Variants in OGT observed in about 807,000 individuals in gnomAD.
OGT encodes UDP-N-acetylglucosamine--peptide N-acetylglucosaminyltransferase 110 kDa subunit.
A neutral mutation model predicts 75.8 loss-of-function variants in OGT; 3 were observed. The observed-to-expected ratio is 0.04, with a 90% confidence interval of 0.02 to 0.10. OGT has a LOEUF of 0.10. Among genes scored for constraint, OGT ranks in the 10% least tolerant of loss-of-function variants. The probability of loss-of-function intolerance (pLI) is 1.00; values close to 1 mark genes in which losing one functional copy is unlikely to be tolerated. For synonymous variants in OGT, 257 were observed against 289.7 expected, an observed-to-expected ratio of 0.89 and a Z score of 1.15; for missense variants, 260 against 824.4, an observed-to-expected ratio of 0.32 and a Z score of 8.38.
chrX:71,553,284 G>T (rs1440143297), intron 5 of OGT, among the ~76,000 whole-genome samples: 1 of 111,078 alleles, frequency 9.0e-6, no homozygotes, highest in African/African-American at 3.3e-5. Context: ...AGTAGAGACG[G>T]GGTTTCGCCA....
At chrX:71,554,680 A>G in intron 6 of OGT, 88 bp downstream of exon 6, 1 of 695,738 alleles carries the variant, frequency 1.4e-6, no homozygotes, top group Non-Finnish European at 2.2e-6. Context: ...ACAATAGTCC[A>G]TTGAAGCATA....
chrX:71,554,259 T>C (rs2040327424), intron 5 of OGT, among the ~76,000 whole-genome samples: 1 of 112,028 alleles, frequency 8.9e-6, no homozygotes, highest in African/African-American at 3.2e-5. Flanking sequence ...TTTAATGAAA[T>C]TGGAGCAGGC....
Position 71,546,814 on chromosome X carries a change from AAT to A in OGT, c.532-1092_532-1091del, listed in dbSNP as rs2040262640. 3 of 752,637 alleles carry A rather than the reference AAT, an allele frequency of 4.0e-6. No homozygotes were observed. The African/African-American group carries it at 6.9e-5, about 17-fold the overall frequency. 62.0% of individuals were successfully genotyped at this position (752,637 alleles called of 1,213,427 possible). ...AGTAGCGCAAAGGCTGCGCAGCGTTAATGCGCATTGCGTGCGAATGAACCCCT... is the reference window on the plus strand; with the variant it reads ...AGTAGCGCAAAGGCTGCGCAGCGTTAGCGCATTGCGTGCGAATGAACCCCT... On this transcript the variant is annotated intron_variant, in intron 4 of 21. Transcript: ENST00000373719.
At chrX:71,550,541 G>T (rs1329517306) in intron 5 of OGT, among the ~76,000 whole-genome samples, 2 of 111,393 alleles carry the variant, frequency 1.8e-5, no homozygotes, top group African/African-American at 6.5e-5. Context: ...GAGCCACTGT[G>T]TCTGGCCTGT....
chrX:71,544,447 A>G, intron 3 of OGT, 120 bp from the exon 4 acceptor site: 4 of 638,400 alleles, frequency 6.3e-6, no homozygotes, highest in Non-Finnish European at 9.5e-6. Flanking sequence ...GAAGTTTGTC[A>G]GGCAGTATCT....
At chrX:71,546,700 A>C in intron 4 of OGT, 1 of 747,537 alleles carries the variant, frequency 1.3e-6, no homozygotes, top group Non-Finnish European at 1.6e-6. Context: ...AAAAGCTTCT[A>C]ACTCTTCTTG....
intron 3 of OGT, among the ~76,000 whole-genome samples, chrX:71,542,517 A>G (rs1046448015): frequency 7.1e-5 from 8 of 112,417 alleles, no homozygotes; most frequent in African/African-American, 2.3e-4. Context: ...AAATATAGAT[A>G]TGCTGTCAGG....
chrX:71,551,854 T>C (rs748483504), intron 5 of OGT, among the ~76,000 whole-genome samples: 1 of 111,105 alleles, frequency 9.0e-6, no homozygotes, highest in East Asian at 2.8e-4. Context: ...TCAGCAAAAT[T>C]CAAACTTTGG....
At chrX:71,559,540 G>T in intron 13 of OGT, 48 bp from the exon 14 acceptor site, 3 of 1,168,168 alleles carry the variant, frequency 2.6e-6, no homozygotes, top group Non-Finnish European at 3.5e-6. Context: ...ATTTGAGCCA[G>T]AAAGATTTGA....
intron 19 of OGT, among the ~76,000 whole-genome samples, chrX:71,565,607 A>C (rs774395859): frequency 1.8e-5 from 2 of 112,124 alleles, no homozygotes; most frequent in African/African-American, 6.5e-5. Context: ...TAAATATGAC[A>C]TTGTGAACCT....
chrX:71,550,218 C>G (rs1307370475), intron 5 of OGT, among the ~76,000 whole-genome samples: 1 of 112,101 alleles, frequency 8.9e-6, no homozygotes, highest in Non-Finnish European at 1.9e-5. Context: ...CAAGGCTTCC[C>G]TTTCTTTACA....
At chrX:71,564,257 A>T (rs1446457061) in intron 18 of OGT, among the ~76,000 whole-genome samples, 1 of 112,212 alleles carries the variant, frequency 8.9e-6, no homozygotes, top group Non-Finnish European at 1.9e-5. Flanking sequence ...GTGAAGAGAG[A>T]CACTCTTGGG....
At chrX:71,533,977 G>A (rs192480687) in intron 1 of OGT, among the ~76,000 whole-genome samples, 90 of 111,447 alleles carry the variant, frequency 8.1e-4, no homozygotes, top group African/African-American at 2.7e-3. Flanking sequence ...GTTTAGATTG[G>A]AAATTTCCAG....
chrX:71,573,856 A>G lies in OGT; in HGVS notation c.*62A>G, dbSNP rs1030419264. Reference sequence around the variant, plus strand: ...GCCTCAACCTTCTGGGGGAAAGGGAACTAGATAACATACTTCTTACTTGTC... The same window carrying G: ...GCCTCAACCTTCTGGGGGAAAGGGAGCTAGATAACATACTTCTTACTTGTC... On this transcript the variant is annotated 3_prime_UTR_variant, in exon 22 of 22. Transcript: ENST00000373719. 3.4e-5 allele frequency: 31 copies of G among 904,816 alleles called. No individual in the cohort carries two copies. The highest frequency in any genetic ancestry group is 2.8e-4 in the Middle Eastern group (1 of 3,607). 74.6% of individuals were successfully genotyped at this position (904,816 alleles called of 1,213,427 possible).
intron 18 of OGT, 58 bp from the exon 19 acceptor site, chrX:71,564,543 T>C: frequency 1.1e-6 from 1 of 933,371 alleles, no homozygotes; most frequent in Non-Finnish European, 1.5e-6. Context: ...ATCTTATGGA[T>C]TGAAATATTG....
At chrX:71,568,195 A>C in intron 21 of OGT, 79 bp downstream of exon 21, 1 of 905,926 alleles carries the variant, frequency 1.1e-6, no homozygotes, top group East Asian at 3.3e-5. Flanking sequence ...CCATAAAATA[A>C]GTGTAATATA....
At chrX:71,562,716 T>C in intron 15 of OGT, 131 bp from the exon 16 acceptor site, 1 of 587,360 alleles carries the variant, frequency 1.7e-6, no homozygotes, top group South Asian at 5.1e-5. Context: ...GTTCTTTTTT[T>C]AAAAACCACT....
chrX:71,536,079 TTTAAG>T, intron 1 of OGT, 94 bp from the exon 2 acceptor site: 1 of 714,389 alleles, frequency 1.4e-6, no homozygotes, highest in Non-Finnish European at 2.0e-6. Context: ...CATTTCCATT[TTTAAG>T]TTAAATATAC....
chrX:71,565,567 C>T (rs2147691914), intron 19 of OGT, among the ~76,000 whole-genome samples: 1 of 111,851 alleles, frequency 8.9e-6, no homozygotes, highest in South Asian at 3.7e-4. Context: ...GTAGATTTTT[C>T]AGGCATTTTT....
Sources: gnomAD v4.1 joint callset for allele counts (sites outside exome capture counted in the v4.1 genomes callset) on GRCh38, gnomAD v4.1.1 for gene constraint, MANE v1.5 for transcripts, NCBI Gene and HGNC (gene_info 2026-07-23, HGNC 2026-07-21) for gene names.